MGAT4C: variants seen among roughly 807,000 people sequenced by gnomAD.
MGAT4C encodes the protein MGAT4 family member C, also known as alpha-1,3-mannosyl-glycoprotein 4-beta-N-acetylglucosaminyltransferase C.
A neutral mutation model predicts 40.1 loss-of-function variants in MGAT4C; 19 were observed. The ratio of observed to expected loss-of-function variants is 0.47; its 90% CI spans 0.33 to 0.70. The LOEUF is 0.70. Ranked by LOEUF, MGAT4C falls within the 30% of genes least tolerant of loss-of-function variation. The probability of loss-of-function intolerance (pLI) is 0.02; values close to 1 mark genes in which losing one functional copy is unlikely to be tolerated. For synonymous variants in MGAT4C, 181 were observed against 187.1 expected, an observed-to-expected ratio of 0.97 and a Z score of 0.27; for missense variants, 491 against 563.2, an observed-to-expected ratio of 0.87 and a Z score of 1.30.
chr12:86,829,161 T>A (rs1464044176), intron 1 of MGAT4C, among the ~76,000 whole-genome samples: 1 of 151,696 alleles, frequency 6.6e-6, no homozygotes, highest in East Asian at 1.9e-4. Flanking sequence ...TCAAGTATCA[T>A]ATATAATACA....
chr12:86,605,743 G>T (rs2136467136), intron 2 of MGAT4C, among the ~76,000 whole-genome samples: 1 of 152,172 alleles, frequency 6.6e-6, no homozygotes, highest in East Asian at 1.9e-4. Flanking sequence ...TTCCCAGCAA[G>T]CACTGGTATT....
At chr12:86,282,000 T>C (rs1327380065) in intron 4 of MGAT4C, among the ~76,000 whole-genome samples, 1 of 152,192 alleles carries the variant, frequency 6.6e-6, no homozygotes, top group Non-Finnish European at 1.5e-5. Context: ...CCCTTCTGCC[T>C]GCTTTAAAAT....
chr12:86,319,537 C>G (rs1038310874), intron 4 of MGAT4C, among the ~76,000 whole-genome samples: 20 of 152,168 alleles, frequency 1.3e-4, no homozygotes, highest in African/African-American at 4.6e-4. Flanking sequence ...ACTCATATCC[C>G]AGTTTTATAT....
intron 2 of MGAT4C, among the ~76,000 whole-genome samples, chr12:86,000,461 A>G (rs1887176375): frequency 6.6e-6 from 1 of 152,174 alleles, no homozygotes; most frequent in Non-Finnish European, 1.5e-5. Flanking sequence ...AGTTAAACAA[A>G]ATGGAGAAAT....
At position 86,073,712 on chromosome 12, in the gene MGAT4C, A is replaced by T. The variant is rs551220210; in HGVS notation, c.-56-23989T>A. Among the ~76,000 whole-genome samples the T allele has an allele frequency of 4.3e-4, 66 of 152,218 alleles. 1 individual carries two copies. In the South Asian group the frequency reaches 0.014, roughly 32 times the overall value. ...GTTTTGGCCAATTTCACCCATTTGG[A>T]ACAGCTGCATTTACCCAATACCCAT... On this transcript the variant is annotated intron_variant, in intron 1 of 4. Coordinates refer to ENST00000611864, the MANE Select transcript of MGAT4C (RefSeq NM_001351288.2).
At chr12:86,792,801 G>T (rs1952047804) in intron 1 of MGAT4C, among the ~76,000 whole-genome samples, 1 of 151,970 alleles carries the variant, frequency 6.6e-6, no homozygotes, top group African/African-American at 2.4e-5. Flanking sequence ...TGTGGTGGCG[G>T]ACACCTGTAA....
At chr12:86,782,359 T>A (rs1360596907) in intron 1 of MGAT4C, among the ~76,000 whole-genome samples, 1 of 151,774 alleles carries the variant, frequency 6.6e-6, no homozygotes, top group Non-Finnish European at 1.5e-5. Flanking sequence ...TTTTTTGTAT[T>A]TTTAATAGAG....
intron 2 of MGAT4C, among the ~76,000 whole-genome samples, chr12:86,484,653 G>A (rs1266361175): frequency 2.0e-5 from 3 of 152,242 alleles, no homozygotes; most frequent in Admixed American, 1.3e-4. Flanking sequence ...AGAAATGTGG[G>A]TTTGTGGACC....
intron 2 of MGAT4C, among the ~76,000 whole-genome samples, chr12:86,045,803 A>C (rs762195855): frequency 2.0e-5 from 3 of 152,214 alleles, no homozygotes; most frequent in Non-Finnish European, 4.4e-5. Context: ...GTGTTACTTG[A>C]CTATGTGAGA....
chr12:86,391,379 A>T (rs1305058513), intron 3 of MGAT4C, among the ~76,000 whole-genome samples: 3 of 152,188 alleles, frequency 2.0e-5, no homozygotes, highest in Non-Finnish European at 4.4e-5. Flanking sequence ...GGTTAATCAG[A>T]ATGTGAAAGG....
chr12:86,034,233 C>T (rs1385604623), intron 2 of MGAT4C, among the ~76,000 whole-genome samples: 1 of 149,558 alleles, frequency 6.7e-6, no homozygotes, highest in African/African-American at 2.4e-5. Context: ...TGTGTCTCTG[C>T]CAGGTTTCAG....
chr12:86,368,731 C>T (rs60436792), intron 3 of MGAT4C, among the ~76,000 whole-genome samples: 15,227 of 151,776 alleles, frequency 0.1, 886 homozygotes, highest in Middle Eastern at 0.23. Flanking sequence ...TTCATTCCAC[C>T]GTGGTCAGGA....
chr12:86,451,222 T>A (rs189797489), intron 2 of MGAT4C, among the ~76,000 whole-genome samples: 2 of 152,246 alleles, frequency 1.3e-5, no homozygotes, highest in African/African-American at 2.4e-5. Context: ...TAAAAGTGTG[T>A]GTAGCACCTC....
rs980822289 is a variant in MGAT4C at position 86,700,330 on chromosome 12, G to C, written c.-229+26879C>G. ...TAGAACAGAGTTAATTTTAGAGAGA[G>C]AGACTGTGTGTGTGTGTGTGTGTAA... is the stretch of plus-strand genomic sequence containing the variant. On this transcript the variant is annotated intron_variant, in intron 2 of 7. Transcript: ENST00000548651. Among the ~76,000 whole-genome samples, 10 of 152,040 alleles carry C rather than the reference G, an allele frequency of 6.6e-5. No individual in the cohort carries two copies. The East Asian group carries it at 1.7e-3, about 26-fold the overall frequency.
chr12:86,429,987 AT>A (rs1297897609), intron 3 of MGAT4C, among the ~76,000 whole-genome samples: 1 of 152,118 alleles, frequency 6.6e-6, no homozygotes, highest in African/African-American at 2.4e-5. Flanking sequence ...ACTGACAATA[AT>A]TTCAAATGTT....
chr12:85,979,705 G>C lies in MGAT4C; in HGVS notation c.1021C>G (p.Pro341Ala). 6.2e-7 allele frequency: 1 copy of C among 1,613,332 alleles called. No homozygotes were observed. Among genetic ancestry groups the C allele is most frequent in the Non-Finnish European group, 8.5e-7 (1 of 1,179,748 alleles). ...EEESFDIPDN[P>A]PASLYTNMNV... ...ATGTTGGTGTACAGACTTGCAGGGG[G>C]GTTATCAGGAATGTCAAATGACTCC... The change falls in exon 5 of 5, where the codon CCC (proline) becomes GCC (alanine). Residue 341 changes from proline (P) to alanine (A), a missense_variant. By Grantham distance (27) the Pro-to-Ala change is conservative (BLOSUM62 -1). Coordinates refer to ENST00000611864, the MANE Select transcript of MGAT4C (RefSeq NM_001351288.2).
At chr12:86,782,264 C>T (rs1951859355) in intron 1 of MGAT4C, among the ~76,000 whole-genome samples, 1 of 135,334 alleles carries the variant, frequency 7.4e-6, no homozygotes, top group Non-Finnish European at 1.5e-5. Context: ...TCACTGCAAG[C>T]TCCGCCTCCC....
intron 1 of MGAT4C, among the ~76,000 whole-genome samples, chr12:86,079,968 TTC>T (rs1870520441): frequency 2.0e-5 from 3 of 151,886 alleles, no homozygotes; most frequent in African/African-American, 7.3e-5. Context: ...GTCACCTTCT[TTC>T]CATTTTTCTT....
At chr12:85,991,811 G>A (rs1885976863) in intron 2 of MGAT4C, among the ~76,000 whole-genome samples, 1 of 152,152 alleles carries the variant, frequency 6.6e-6, no homozygotes, top group Non-Finnish European at 1.5e-5. Context: ...GGGCAATATA[G>A]TGAGACCCCA....
Sources: allele counts gnomAD v4.1 joint callset (sites outside exome capture counted in the v4.1 genomes callset), GRCh38; gene constraint gnomAD v4.1.1; transcripts MANE v1.5; gene names NCBI Gene and HGNC (gene_info 2026-07-23, HGNC 2026-07-21).